The following ARHGAP25 variants were observed in gnomAD, a reference collection of about 807,000 sequenced individuals.
The protein encoded by ARHGAP25 is rho GTPase-activating protein 25.
A neutral mutation model predicts 71.0 loss-of-function variants in ARHGAP25; 34 were observed. That is an observed-to-expected ratio of 0.48 (90% CI 0.36 to 0.64). ARHGAP25 has a LOEUF of 0.64. Among genes scored for constraint, ARHGAP25 ranks in the 30% least tolerant of loss-of-function variants. ARHGAP25 has a pLI of 0.00. For synonymous variants in ARHGAP25, 282 were observed against 296.5 expected (o/e 0.95, Z 0.50); for missense variants, 706 against 805.1 (o/e 0.88, Z 1.49).
At chr2:68,777,225 C>A (rs1677986644) in intron 2 of ARHGAP25, among the ~76,000 whole-genome samples, 1 of 152,138 alleles carries the variant, frequency 6.6e-6, no homozygotes, top group African/African-American at 2.4e-5. Flanking sequence ...TTTGGCCACC[C>A]CAGATCAATG....
chr2:68,774,743 G>C (rs1041974707), intron 1 of ARHGAP25: 21 of 1,007,302 alleles, frequency 2.1e-5, no homozygotes, highest in Admixed American at 5.5e-5. Flanking sequence ...CTAGCCGGCC[G>C]CTGTGGAAGA....
intron 2 of ARHGAP25, among the ~76,000 whole-genome samples, chr2:68,718,149 A>C (rs1160777650): frequency 6.6e-6 from 1 of 151,684 alleles, no homozygotes; most frequent in Non-Finnish European, 1.5e-5. Context: ...GATTTGTTAA[A>C]AAAAAAAAAA....
chr2:68,778,509 G>A (rs1056460124), intron 2 of ARHGAP25, among the ~76,000 whole-genome samples: 7 of 152,236 alleles, frequency 4.6e-5, no homozygotes, highest in African/African-American at 9.6e-5. Context: ...TGTAATCATT[G>A]TAAATTTAAA....
chr2:68,782,968 A>T (rs1159631984), intron 3 of ARHGAP25, among the ~76,000 whole-genome samples: 1 of 152,218 alleles, frequency 6.6e-6, no homozygotes, highest in Non-Finnish European at 1.5e-5. Context: ...GGGCTCCAGG[A>T]CTAGAGGCTA....
In ARHGAP25 at chr2:68,826,084, C is replaced by G. The variant is rs368863270; in HGVS notation, c.1831C>G (p.Leu611Val). 1 of 1,614,094 alleles carries G rather than the reference C, an allele frequency of 6.2e-7. No individual in the cohort carries two copies. The highest frequency in any genetic ancestry group is 1.1e-5 in the South Asian group (1 of 91,076). The part of the protein sequence containing the change: ...KKKSAALEIS[L>V]RNMERSREDV... ...GAAGTCTGCAGCCCTAGAGATCAGC[C>G]TCCGCAACATGGAGCGCTCCCGGGA... Residue 611 changes from leucine (L) to valine (V), a missense_variant, in exon 11 of 11, where the codon CTC (leucine) becomes GTC (valine). Leu to Val is a conservative substitution (Grantham distance 32). Coordinates refer to ENST00000409202, the MANE Select transcript of ARHGAP25 (RefSeq NM_001007231.3).
At chr2:68,761,041 T>C (rs892804421) in intron 1 of ARHGAP25, among the ~76,000 whole-genome samples, 1 of 151,954 alleles carries the variant, frequency 6.6e-6, no homozygotes, top group African/African-American at 2.4e-5. Flanking sequence ...TTGTCTGGAA[T>C]AGAATAGATG....
At chr2:68,801,107 G>A (rs1288502024) in intron 4 of ARHGAP25, among the ~76,000 whole-genome samples, 2 of 115,266 alleles carry the variant, frequency 1.7e-5, no homozygotes, top group Non-Finnish European at 4.0e-5. Flanking sequence ...ACTTAGCCAA[G>A]CTAAAAAAAA....
At chr2:68,770,749 T>G (rs1244202886) in intron 1 of ARHGAP25, among the ~76,000 whole-genome samples, 1 of 152,208 alleles carries the variant, frequency 6.6e-6, no homozygotes, top group Admixed American at 6.5e-5. Context: ...TATTTTATCA[T>G]GGGCCTCCCT....
At chr2:68,752,708 C>G (rs1204815291) in intron 1 of ARHGAP25, among the ~76,000 whole-genome samples, 4 of 150,526 alleles carry the variant, frequency 2.7e-5, no homozygotes, top group African/African-American at 4.9e-5. Flanking sequence ...AAGAGGAAGG[C>G]CTTTGAACTC....
At chr2:68,740,666 A>C (rs983573514) in intron 1 of ARHGAP25, among the ~76,000 whole-genome samples, 1 of 152,268 alleles carries the variant, frequency 6.6e-6, no homozygotes, top group African/African-American at 2.4e-5. Context: ...TAAACAGAGA[A>C]GTTTACAGCT....
intron 4 of ARHGAP25, among the ~76,000 whole-genome samples, chr2:68,794,024 A>G (rs867156955): frequency 6.6e-6 from 1 of 151,942 alleles, no homozygotes; most frequent in African/African-American, 2.4e-5. Flanking sequence ...TTTATTTTCT[A>G]TAGCTATTGT....
At position 68,826,425 on chromosome 2, in the gene ARHGAP25, T is replaced by C. The variant is rs9902; in HGVS notation, c.*231T>C. 378,511 of 639,648 alleles carry C rather than the reference T, an allele frequency of 0.59. 116,007 individuals carry two copies. Among genetic ancestry groups the C allele is most frequent in the East Asian group, 0.94 (32,224 of 34,464 alleles). The allele number at this position is 639,648 out of a possible 1,614,324, so 39.6% of individuals were successfully genotyped here. On this transcript the variant is annotated 3_prime_UTR_variant, in exon 11 of 11. Transcript: ENST00000409202. ...CATCGCTGTATTCAAATGGATTGTTTTATTCCATTCTGGTCTCAGGCATGA... is the reference window on the plus strand; with the variant it reads ...CATCGCTGTATTCAAATGGATTGTTCTATTCCATTCTGGTCTCAGGCATGA...
chr2:68,746,975 T>C (rs1675867305), intron 1 of ARHGAP25, among the ~76,000 whole-genome samples: 1 of 127,432 alleles, frequency 7.8e-6, no homozygotes, highest in Admixed American at 9.4e-5. Context: ...GCCACTGTAC[T>C]CCAGCCCAGG....
At chr2:68,714,002 A>G (rs1005261420) in intron 2 of ARHGAP25, among the ~76,000 whole-genome samples, 1 of 152,202 alleles carries the variant, frequency 6.6e-6, no homozygotes, top group Non-Finnish European at 1.5e-5. Context: ...AGCCTCATCA[A>G]ATGAATTAGG....
At chr2:68,738,552 T>C (rs1675337411) in intron 1 of ARHGAP25, among the ~76,000 whole-genome samples, 1 of 152,138 alleles carries the variant, frequency 6.6e-6, no homozygotes, top group Non-Finnish European at 1.5e-5. Context: ...ATGTGGTCTG[T>C]TTGCTGTGCC....
At chr2:68,794,679 G>A (rs544786114) in intron 4 of ARHGAP25, among the ~76,000 whole-genome samples, 2 of 152,054 alleles carry the variant, frequency 1.3e-5, no homozygotes, top group Non-Finnish European at 2.9e-5. Flanking sequence ...TTAGTATTTT[G>A]TTGAGGATTT....
intron 1 of ARHGAP25, among the ~76,000 whole-genome samples, chr2:68,770,604 A>T (rs1677428363): frequency 6.6e-6 from 1 of 152,178 alleles, no homozygotes; most frequent in Non-Finnish European, 1.5e-5. Context: ...TCTTGGGGCA[A>T]AAAGCAGCTA....
chr2:68,724,194 T>C (rs2104260373), intron 2 of ARHGAP25, among the ~76,000 whole-genome samples: 1 of 152,192 alleles, frequency 6.6e-6, no homozygotes, highest in East Asian at 1.9e-4. Flanking sequence ...GAAGAGTGGC[T>C]TCTTTCTTCC....
chr2:68,735,838 G>T (rs979700809), intron 1 of ARHGAP25, among the ~76,000 whole-genome samples: 5 of 152,172 alleles, frequency 3.3e-5, no homozygotes, highest in Admixed American at 6.5e-5. Context: ...AGTTGGAAAA[G>T]AGATGTATTT....
Sources: gnomAD v4.1 joint callset for allele counts (sites outside exome capture counted in the v4.1 genomes callset) on GRCh38, gnomAD v4.1.1 for gene constraint, MANE v1.5 for transcripts, NCBI Gene and HGNC (gene_info 2026-07-23, HGNC 2026-07-21) for gene names.